TENM3: variants seen among roughly 807,000 people sequenced by gnomAD.
TENM3 encodes the protein teneurin transmembrane protein 3.
TENM3 carries 63 observed loss-of-function variants against 255.1 expected under a neutral mutation model. The ratio of observed to expected loss-of-function variants is 0.25; its 90% CI spans 0.20 to 0.30. TENM3 has a LOEUF of 0.30. Ranked by LOEUF, TENM3 falls within the 10% of genes least tolerant of loss-of-function variation. The probability of loss-of-function intolerance (pLI) is 1.00; values close to 1 mark genes in which losing one functional copy is unlikely to be tolerated. For synonymous variants in TENM3, 1,306 were observed against 1,322.3 expected (o/e 0.99, Z 0.27); for missense variants, 2,929 against 3,461.1 (o/e 0.85, Z 3.86).
At chr4:181,628,107 A>C in the TENM3 span, among the ~76,000 whole-genome samples, 1 of 152,020 alleles carries the variant, frequency 6.6e-6, no homozygotes, top group African/African-American at 2.4e-5. Context: ...GCATTTTTTC[A>C]TGTGTCTTTT....
chr4:181,473,779 A>G, the TENM3 span, among the ~76,000 whole-genome samples: 1 of 150,990 alleles, frequency 6.6e-6, no homozygotes, highest in Admixed American at 6.6e-5. Flanking sequence ...ACACATACAT[A>G]CCTATGTATG....
intron 1 of TENM3, among the ~76,000 whole-genome samples, chr4:182,214,881 G>A (rs1044861779): frequency 2.0e-5 from 3 of 152,036 alleles, no homozygotes; most frequent in Admixed American, 6.6e-5. Flanking sequence ...GAGTAGATGA[G>A]GGTCAGAGAC....
chr4:181,768,157 C>T, the TENM3 span, among the ~76,000 whole-genome samples: 1 of 152,118 alleles, frequency 6.6e-6, no homozygotes, highest in Non-Finnish European at 1.5e-5. Flanking sequence ...ATTATTTGAC[C>T]TTTTAGACTA....
At chr4:182,021,246 C>T in the TENM3 span, among the ~76,000 whole-genome samples, 1 of 152,150 alleles carries the variant, frequency 6.6e-6, no homozygotes, top group African/African-American at 2.4e-5. Flanking sequence ...TACTATTGTT[C>T]TTCTTCATGG....
At chr4:181,531,305 G>A in the TENM3 span, among the ~76,000 whole-genome samples, 1 of 152,174 alleles carries the variant, frequency 6.6e-6, no homozygotes, top group Admixed American at 6.5e-5. Flanking sequence ...GTTGAGTGCA[G>A]GAGTGAACCC....
At chr4:182,336,922 C>A (rs1012150469) in intron 2 of TENM3, among the ~76,000 whole-genome samples, 1 of 136,754 alleles carries the variant, frequency 7.3e-6, no homozygotes, top group Non-Finnish European at 1.5e-5. Context: ...GTTGGGAGAT[C>A]TTTGAGAGCC....
chr4:181,886,296 G>A, the TENM3 span, among the ~76,000 whole-genome samples: 4 of 152,066 alleles, frequency 2.6e-5, no homozygotes, highest in Admixed American at 1.3e-4. Flanking sequence ...CAAGTGATCC[G>A]CCTACCTCAG....
At chr4:181,880,051 A>G in the TENM3 span, among the ~76,000 whole-genome samples, 39 of 152,244 alleles carry the variant, frequency 2.6e-4, no homozygotes, top group Non-Finnish European at 5.0e-4. Context: ...GTTCTCTGAA[A>G]TAATTTATTA....
the TENM3 span, among the ~76,000 whole-genome samples, chr4:181,827,537 T>G: frequency 2.6e-5 from 4 of 152,166 alleles, no homozygotes; most frequent in Non-Finnish European, 5.9e-5. Flanking sequence ...AACAAATTCT[T>G]TGTTGATGTG....
chr4:182,444,876 C>T (rs35329042), intron 3 of TENM3, among the ~76,000 whole-genome samples: 2,640 of 152,256 alleles, frequency 0.017, 64 homozygotes, highest in East Asian at 0.095. Context: ...TCTGGGCTCA[C>T]TGCAACCTGC....
chr4:181,499,384 A>C, the TENM3 span, among the ~76,000 whole-genome samples: 2 of 152,254 alleles, frequency 1.3e-5, no homozygotes, highest in Non-Finnish European at 2.9e-5. Context: ...GATAGCATCC[A>C]ACAATAAAAC....
the TENM3 span, among the ~76,000 whole-genome samples, chr4:181,605,500 AAG>A: frequency 8.2e-5 from 1 of 12,228 alleles, no homozygotes; most frequent in Non-Finnish European, 1.8e-4. Flanking sequence ...GAAAGAAAGA[AAG>A]AAAGAAAGAA....
chr4:181,563,616 C>T, the TENM3 span, among the ~76,000 whole-genome samples: 72,489 of 152,018 alleles, frequency 0.48, 18,125 homozygotes, highest in African/African-American at 0.61. Flanking sequence ...AGCCAACTAT[C>T]GGTCTCATTT....
At chr4:182,670,233 T>C (rs1755089268) in intron 6 of TENM3, among the ~76,000 whole-genome samples, 1 of 152,214 alleles carries the variant, frequency 6.6e-6, no homozygotes, top group African/African-American at 2.4e-5. Flanking sequence ...CTACAGTTTA[T>C]AATCTAAGAG....
intron 3 of TENM3, among the ~76,000 whole-genome samples, chr4:182,475,063 A>G (rs964295499): frequency 3.9e-5 from 6 of 152,182 alleles, no homozygotes; most frequent in African/African-American, 1.2e-4. Context: ...AGGGCTTCTG[A>G]AGATGGGCAG....
At chr4:181,556,569 T>C in the TENM3 span, among the ~76,000 whole-genome samples, 47 of 152,322 alleles carry the variant, frequency 3.1e-4, no homozygotes, top group African/African-American at 9.9e-4. Flanking sequence ...ACATTTTTTC[T>C]ATTACAACTA....
the TENM3 span, among the ~76,000 whole-genome samples, chr4:181,506,555 G>T: frequency 2.3e-4 from 35 of 152,080 alleles, no homozygotes; most frequent in African/African-American, 8.4e-4. Flanking sequence ...ACCGAGATAC[G>T]CTGTCCGGCA....
chr4:181,910,617 C>CGTGTGT, the TENM3 span, among the ~76,000 whole-genome samples: 1 of 143,036 alleles, frequency 7.0e-6, no homozygotes, highest in African/African-American at 2.6e-5. Context: ...TATAAATACA[C>CGTGTGT]GTGTGTGTGT....
the TENM3 span, among the ~76,000 whole-genome samples, chr4:181,555,108 T>A: frequency 6.6e-6 from 1 of 152,334 alleles, no homozygotes; most frequent in Non-Finnish European, 1.5e-5. Context: ...ATGACAATAA[T>A]GAGTGCTAAC....
Sources: allele counts gnomAD v4.1 joint callset (sites outside exome capture counted in the v4.1 genomes callset), GRCh38; gene constraint gnomAD v4.1.1; transcripts MANE v1.5; gene names NCBI Gene and HGNC (gene_info 2026-07-23, HGNC 2026-07-21).